The following IL36G variants were observed in gnomAD, a reference collection of about 807,000 sequenced individuals.
The protein encoded by IL36G is interleukin 36 gamma, also known as interleukin-36 gamma.
IL36G carries 10 observed loss-of-function variants against 13.5 expected under a neutral mutation model. The observed-to-expected ratio is 0.74, with a 90% CI of 0.46 to 1.26. The LOEUF (loss-of-function observed/expected upper bound fraction) is 1.26. Among genes scored for constraint, IL36G ranks in the 50% most tolerant of loss-of-function variants. The pLI is 0.00. For synonymous variants in IL36G, 84 were observed against 74.0 expected (o/e 1.13, Z -0.69); for missense variants, 199 against 203.0 (o/e 0.98, Z 0.12).
At chr2:112,979,385 T>G (rs1684223280) in intron 3 of IL36G, 60 bp downstream of exon 3, 2 of 1,007,160 alleles carry the variant, frequency 2.0e-6, no homozygotes, top group Non-Finnish European at 3.1e-6. Context: ...GAAGCTGGCA[T>G]CAGCCTTTTG....
chr2:112,982,630 G>A (rs1031224106), intron 4 of IL36G, among the ~76,000 whole-genome samples: 1 of 152,096 alleles, frequency 6.6e-6, no homozygotes, highest in Non-Finnish European at 1.5e-5. Context: ...TTTAAGTGGA[G>A]GAAACAGGAT....
At position 112,985,164 on chromosome 2, in the gene IL36G, C is replaced by A; in HGVS notation, c.*115C>A. ...CGCTGGTGCTGAGACAGGGGCAAGG[C>A]TGCTGTTATCATCTCATTTTATAAT... On this transcript the variant is annotated 3_prime_UTR_variant, in exon 5 of 5. Transcript: ENST00000259205. The A allele has an allele frequency of 1.5e-6, 1 of 665,848 alleles. No homozygotes were observed. Among genetic ancestry groups the A allele is most frequent in the Admixed American group, 2.8e-5 (1 of 36,270 alleles). The allele number at this position is 665,848 out of a possible 1,614,324, so 41.2% of individuals were successfully genotyped here.
Position 112,980,092 on chromosome 2 carries a change from C to A in IL36G, c.244C>A (p.Pro82Thr). Residue 82 changes from proline (P) to threonine (T), a missense_variant, in exon 4 of 5, where the codon CCA becomes ACA. By Grantham distance (38) the Pro-to-Thr change is conservative (BLOSUM62 -1). Coordinates refer to ENST00000259205, the MANE Select transcript of IL36G (RefSeq NM_019618.4). The part of the protein sequence containing the change: ...GDPIYLGIQN[P>T]EMCLYCEKVG... ...TCCCATTTATTTGGGAATCCAGAAT[C>A]CAGAAATGTGTTTGTATTGTGAGAA... 1.2e-6 allele frequency: 2 copies of A among 1,614,074 alleles called. No homozygotes were observed. The highest frequency in any genetic ancestry group is 1.7e-6 in the Non-Finnish European group (2 of 1,179,922).
At position 112,985,391 on chromosome 2, in the gene IL36G, G is replaced by A. The variant is rs775909203; in HGVS notation, c.*342G>A. The A allele has an allele frequency of 5.6e-5, 15 of 267,960 alleles. No homozygotes were observed. Among genetic ancestry groups the A allele is most frequent in the Non-Finnish European group, 8.6e-5 (12 of 139,354 alleles). The allele number at this position is 267,960 out of a possible 1,614,324, so 16.6% of individuals were successfully genotyped here. On this transcript the variant is annotated 3_prime_UTR_variant, in exon 5 of 5. Coordinates refer to ENST00000259205, the MANE Select transcript of IL36G (RefSeq NM_019618.4). ...TGAAGATGCTTCAGAGCTCATGCGC[G>A]TTACCCACGATGGCATGACTAGCAC...
chr2:112,980,690 G>A (rs1245179025), intron 4 of IL36G, among the ~76,000 whole-genome samples: 2 of 152,212 alleles, frequency 1.3e-5, no homozygotes, highest in African/African-American at 2.4e-5. Context: ...TCTTTTGACA[G>A]GTGCCATCTC....
At chr2:112,981,898 G>T (rs191840179) in intron 4 of IL36G, among the ~76,000 whole-genome samples, 107 of 151,934 alleles carry the variant, frequency 7.0e-4, no homozygotes, top group African/African-American at 6.5e-4. Flanking sequence ...GTTTGTCCTC[G>T]TTCCACAAAC....
intron 3 of IL36G, 90 bp from the exon 4 acceptor site, chr2:112,979,918 CA>C: frequency 1.5e-6 from 2 of 1,305,076 alleles, no homozygotes; most frequent in Non-Finnish European, 2.1e-6. Flanking sequence ...AGCTCTCTTC[CA>C]GATCCACTTG....
Position 112,979,277 on chromosome 2 carries a change from C to A in IL36G, c.112C>A (p.Gln38Lys). Reference protein sequence around the residue: ...NDLNQQVWTLQGQNLVAVPRS... With the variant: ...NDLNQQVWTLKGQNLVAVPRS... Reference sequence around the variant, plus strand: ...TTTGAATCAGCAAGTGTGGACCCTTCAGGGTCAGAACCTTGTGGCAGTTCC... The same window carrying A: ...TTTGAATCAGCAAGTGTGGACCCTTAAGGGTCAGAACCTTGTGGCAGTTCC... Residue 38 changes from glutamine (Q) to lysine (K), a missense_variant, in exon 3 of 5, where the codon CAG becomes AAG. Coordinates refer to ENST00000259205, the MANE Select transcript of IL36G (RefSeq NM_019618.4). 1 of 1,613,394 alleles carries A rather than the reference C, an allele frequency of 6.2e-7. No homozygotes were observed. The highest frequency in any genetic ancestry group is 8.5e-7 in the Non-Finnish European group (1 of 1,179,278).
At position 112,985,568 on chromosome 2, in the gene IL36G, C is replaced by G. The variant is rs991276221; in HGVS notation, c.*519C>G. ...AAATAATTCTTGTGTTAAGTTAAAT[C>G]ATTTTTGTCCTAATTGTAATGTGTA... On this transcript the variant is annotated 3_prime_UTR_variant, in exon 5 of 5. Transcript: ENST00000259205. 1 of 152,818 alleles carries G rather than the reference C, an allele frequency of 6.5e-6. No individual in the cohort carries two copies. The highest frequency in any genetic ancestry group is 1.5e-5 in the Non-Finnish European group (1 of 68,474). 9.5% of individuals were successfully genotyped at this position (152,818 alleles called of 1,614,324 possible).
chr2:112,984,863 T>G lies in IL36G; in HGVS notation c.324T>G (p.Tyr108Ter). 6.2e-7 allele frequency: 1 copy of G among 1,614,202 alleles called. No individual in the cohort carries two copies. The highest frequency in any genetic ancestry group is 8.5e-7 in the Non-Finnish European group (1 of 1,180,028). ...QLKEQKIMDL[Y>*]GQPEPVKPFL... ...AGGAGCAGAAGATCATGGATCTGTA[T>G]GGCCAACCCGAGCCCGTGAAACCCT... Residue 108 changes from tyrosine (Y) to a stop codon, truncating the protein, a stop_gained, in exon 5 of 5, where the codon TAT becomes TAG. Coordinates refer to ENST00000259205, the MANE Select transcript of IL36G (RefSeq NM_019618.4). LOFTEE classifies it low-confidence loss of function (END_TRUNC).
At position 112,985,400 on chromosome 2, in the gene IL36G, G is replaced by A. The variant is rs900302877; in HGVS notation, c.*351G>A. The A allele has an allele frequency of 1.9e-5, 5 of 260,184 alleles. No individual in the cohort carries two copies. Among genetic ancestry groups the A allele is most frequent in the East Asian group, 1.8e-4 (2 of 11,066 alleles). The allele number at this position is 260,184 out of a possible 1,614,324, so 16.1% of individuals were successfully genotyped here. ...TTCAGAGCTCATGCGCGTTACCCAC[G>A]ATGGCATGACTAGCACAGAGCTGAT... On this transcript the variant is annotated 3_prime_UTR_variant, in exon 5 of 5. Coordinates refer to ENST00000259205, the MANE Select transcript of IL36G (RefSeq NM_019618.4).
At chr2:112,983,143 T>C (rs1250631341) in intron 4 of IL36G, among the ~76,000 whole-genome samples, 1 of 152,074 alleles carries the variant, frequency 6.6e-6, no homozygotes, top group African/African-American at 2.4e-5. Context: ...TGCCATGTGC[T>C]GGGAGCCCAT....
intron 4 of IL36G, among the ~76,000 whole-genome samples, chr2:112,982,090 A>G (rs2105012983): frequency 6.6e-6 from 1 of 152,342 alleles, no homozygotes; most frequent in South Asian, 2.1e-4. Context: ...AATAAATGTA[A>G]TAGTAGGCAA....
At chr2:112,979,964 G>C in intron 3 of IL36G, 45 bp from the exon 4 acceptor site, 1 of 1,592,704 alleles carries the variant, frequency 6.3e-7, no homozygotes, top group East Asian at 2.2e-5. Flanking sequence ...TAATCTTTCT[G>C]ACTTCAAAAG....
intron 4 of IL36G, among the ~76,000 whole-genome samples, chr2:112,982,447 C>A (rs1351428500): frequency 6.6e-6 from 1 of 152,150 alleles, no homozygotes; most frequent in Non-Finnish European, 1.5e-5. Context: ...ATGTTTTGAA[C>A]AGAGGAATGG....
intron 1 of IL36G, 29 bp from the exon 2 acceptor site, chr2:112,978,591 G>T: frequency 6.4e-6 from 10 of 1,567,348 alleles, no homozygotes; most frequent in Non-Finnish European, 8.8e-6. Flanking sequence ...ATCTCTTGTG[G>T]TTCATCTGTT....
At chr2:112,983,870 T>A (rs999851212) in intron 4 of IL36G, among the ~76,000 whole-genome samples, 4 of 152,146 alleles carry the variant, frequency 2.6e-5, no homozygotes, top group African/African-American at 9.7e-5. Context: ...AAGGAGAACA[T>A]TTAGAAGGTC....
Position 112,979,300 on chromosome 2 carries a change from T to C in IL36G, c.135T>C (p.Val45=). The C allele has an allele frequency of 6.2e-7, 1 of 1,612,274 alleles. No homozygotes were observed. Among genetic ancestry groups the C allele is most frequent in the Non-Finnish European group, 8.5e-7 (1 of 1,178,230 alleles). The part of the protein sequence containing the change: ...WTLQGQNLVA[V]PRSDSVTPVT... ...TTCAGGGTCAGAACCTTGTGGCAGT[T>C]CCACGAAGTGACAGTGTGACCCCAG... The change falls in exon 3 of 5, where the codon GTT becomes GTC. Residue 45 remains valine, a synonymous_variant. Coordinates refer to ENST00000259205, the MANE Select transcript of IL36G (RefSeq NM_019618.4).
rs1244281860 is a variant in IL36G, at chr2:112,980,011, A to G, written c.163A>G (p.Thr55Ala). The G allele has an allele frequency of 6.2e-7, 1 of 1,611,662 alleles. No homozygotes were observed. The highest frequency in any genetic ancestry group is 1.3e-5 in the African/African-American group (1 of 74,912). Residue 55 changes from threonine to alanine, a missense_variant and splice_region_variant, in exon 4 of 5, where the codon ACT becomes GCT. By Grantham distance (58) the Thr-to-Ala change is moderately conservative (BLOSUM62 0). Coordinates refer to ENST00000259205, the MANE Select transcript of IL36G (RefSeq NM_019618.4). The stretch of plus-strand genomic sequence containing the variant: ...CATCTCTCCTCTTATCTTTACAGTC[A>G]CTGTTGCTGTTATCACATGCAAGTA... ...VPRSDSVTPV[T>A]VAVITCKYPE...
Sources: allele counts gnomAD v4.1 joint callset (sites outside exome capture counted in the v4.1 genomes callset), GRCh38; gene constraint gnomAD v4.1.1; transcripts MANE v1.5; gene names NCBI Gene and HGNC (gene_info 2026-07-23, HGNC 2026-07-21).